The following ADK variants were observed in gnomAD, a reference collection of about 807,000 sequenced individuals.
ADK encodes N6,N6-dimethyladenosine kinase.
In ADK, 24 loss-of-function variants were observed where a neutral mutation model predicts 44.7. The observed-to-expected ratio is 0.54, with a 90% CI of 0.39 to 0.76. ADK has a LOEUF of 0.76. Ranked by LOEUF, ADK falls within the 30% of genes least tolerant of loss-of-function variation. The probability of loss-of-function intolerance (pLI) is 0.00; values close to 1 mark genes in which losing one functional copy is unlikely to be tolerated. For synonymous variants in ADK, 128 were observed against 142.6 expected (o/e 0.90, Z 0.73); for missense variants, 321 against 425.1 (o/e 0.76, Z 2.15).
rs796682816 is a variant in ADK at position 74,302,795 on chromosome 10, C to CA, written c.195-11865dup. On this transcript the variant is annotated intron_variant, in intron 3 of 10. Coordinates refer to ENST00000539909, the MANE Select transcript of ADK (RefSeq NM_006721.4). ...TCCATTACAGAGGGAGAGCCTGTCT[C>CA]AAAAAAAGGAAACGAATTTATATTC... Among the ~76,000 whole-genome samples, 6 of 150,834 alleles carry CA rather than the reference C, an allele frequency of 4.0e-5. No individual in the cohort carries two copies. In the South Asian group the frequency reaches 1.3e-3, roughly 31 times the overall value.
At chr10:74,176,590 T>C (rs1842346250) in intron 1 of ADK, 4 of 1,367,352 alleles carry the variant, frequency 2.9e-6, no homozygotes, top group Non-Finnish European at 3.8e-6. Flanking sequence ...CCGCTAGTCA[T>C]CTCGCTAGCC....
At chr10:74,272,914 T>C (rs911027739) in intron 3 of ADK, among the ~76,000 whole-genome samples, 1 of 152,226 alleles carries the variant, frequency 6.6e-6, no homozygotes, top group Non-Finnish European at 1.5e-5. Flanking sequence ...GTCCTTATAC[T>C]GCAGATCCTC....
chr10:74,526,466 G>A (rs1045073531), intron 7 of ADK, among the ~76,000 whole-genome samples: 8 of 152,138 alleles, frequency 5.3e-5, no homozygotes, highest in East Asian at 1.9e-4. Flanking sequence ...ATGGTTTAAT[G>A]TATACAATGA....
At chr10:74,410,991 T>C (rs1184853305) in intron 6 of ADK, among the ~76,000 whole-genome samples, 1 of 152,210 alleles carries the variant, frequency 6.6e-6, no homozygotes, top group African/African-American at 2.4e-5. Flanking sequence ...CTTTTATCAT[T>C]GTTCCAAGTG....
intron 9 of ADK, among the ~76,000 whole-genome samples, chr10:74,645,518 ATAT>A (rs1294934820): frequency 6.6e-6 from 1 of 152,214 alleles, no homozygotes; most frequent in Non-Finnish European, 1.5e-5. Flanking sequence ...GTTTCTCTAA[ATAT>A]TATACCTGTG....
intron 3 of ADK, 116 bp downstream of exon 3, chr10:74,224,707 A>G (rs1844463586): frequency 1.2e-6 from 1 of 804,272 alleles, no homozygotes. Flanking sequence ...AATTAACACT[A>G]TGACCTTAAT....
chr10:74,407,144 A>G (rs1178426329), intron 6 of ADK, among the ~76,000 whole-genome samples: 1 of 151,640 alleles, frequency 6.6e-6, no homozygotes, highest in African/African-American at 2.4e-5. Flanking sequence ...TTCTCTAGAG[A>G]CAGGTTTTGC....
chr10:74,199,739 G>T (rs968994644), intron 1 of ADK, among the ~76,000 whole-genome samples: 2 of 152,016 alleles, frequency 1.3e-5, no homozygotes, highest in African/African-American at 4.8e-5. Flanking sequence ...GAGCGCAGTG[G>T]CACGATCTCG....
intron 3 of ADK, among the ~76,000 whole-genome samples, chr10:74,294,722 C>T (rs1489147064): frequency 2.0e-5 from 3 of 152,182 alleles, no homozygotes; most frequent in Admixed American, 2.0e-4. Flanking sequence ...ATTGTATTTC[C>T]TTGACCATGA....
At chr10:74,523,611 A>C (rs988492653) in intron 6 of ADK, among the ~76,000 whole-genome samples, 1 of 152,112 alleles carries the variant, frequency 6.6e-6, no homozygotes, top group African/African-American at 2.4e-5. Flanking sequence ...TCTAAGTCCA[A>C]CTTTCTGGTA....
intron 9 of ADK, among the ~76,000 whole-genome samples, chr10:74,629,205 A>C (rs1046868919): frequency 6.6e-6 from 1 of 151,898 alleles, no homozygotes; most frequent in Admixed American, 6.6e-5. Context: ...ATTTTTTTCT[A>C]TTCTTTTAGA....
rs60670688 is a variant in ADK, at chr10:74,205,040, C to CAAAAAA, written c.140+4226_140+4231dup. Among the ~76,000 whole-genome samples the CAAAAAA allele has an allele frequency of 4.8e-4, 25 of 51,644 alleles. 1 individual carries two copies. The highest frequency in any genetic ancestry group is 0.024 in the Middle Eastern group (1 of 42). The allele number at this position is 51,644 out of a possible 152,430, so 33.9% of individuals were successfully genotyped here. Reference sequence around the variant, plus strand: ...GGGTGACAGAGTTGACACTCTGTCTCAAAAAAAAAAAAAAAAAAAAAAAAA... The same window carrying CAAAAAA: ...GGGTGACAGAGTTGACACTCTGTCTCAAAAAAAAAAAAAAAAAAAAAAAAAAAAAAA... On this transcript the variant is annotated intron_variant, in intron 2 of 10. Transcript: ENST00000539909.
intron 3 of ADK, among the ~76,000 whole-genome samples, chr10:74,292,073 A>C (rs1325299405): frequency 6.6e-6 from 1 of 151,970 alleles, no homozygotes; most frequent in African/African-American, 2.4e-5. Context: ...CTTTTTCTCA[A>C]ATGTATTTAT....
At chr10:74,603,470 C>T (rs1852214850) in intron 9 of ADK, among the ~76,000 whole-genome samples, 1 of 152,096 alleles carries the variant, frequency 6.6e-6, no homozygotes, top group South Asian at 2.1e-4. Context: ...CGTGTGTTCT[C>T]ATTGTTCAAT....
At chr10:74,186,873 G>C (rs145928343) in intron 1 of ADK, among the ~76,000 whole-genome samples, 115 of 152,252 alleles carry the variant, frequency 7.6e-4, no homozygotes, top group African/African-American at 2.7e-3. Context: ...GATGGGCTTT[G>C]GGTTATTTCC....
At chr10:74,448,825 T>C (rs1193431435) in intron 6 of ADK, among the ~76,000 whole-genome samples, 3 of 152,138 alleles carry the variant, frequency 2.0e-5, no homozygotes, top group Non-Finnish European at 4.4e-5. Context: ...TACAATAATA[T>C]ATACTGGCTT....
chr10:74,572,070 C>T (rs868731296), intron 7 of ADK, among the ~76,000 whole-genome samples: 2 of 152,000 alleles, frequency 1.3e-5, no homozygotes, highest in Non-Finnish European at 2.9e-5. Flanking sequence ...TTATTTTGCT[C>T]GTTAGTTGAT....
At chr10:74,571,377 T>C (rs1850953621) in intron 7 of ADK, among the ~76,000 whole-genome samples, 1 of 152,214 alleles carries the variant, frequency 6.6e-6, no homozygotes, top group African/African-American at 2.4e-5. Flanking sequence ...CAGCTCCTCC[T>C]TGTACCTCTG....
intron 9 of ADK, among the ~76,000 whole-genome samples, chr10:74,622,247 T>C (rs1416508028): frequency 6.6e-6 from 1 of 152,174 alleles, no homozygotes; most frequent in Non-Finnish European, 1.5e-5. Flanking sequence ...CTTCTCTGCC[T>C]CTTAGTAGTA....
Sources: allele counts gnomAD v4.1 joint callset (sites outside exome capture counted in the v4.1 genomes callset), GRCh38; gene constraint gnomAD v4.1.1; transcripts MANE v1.5; gene names NCBI Gene and HGNC (gene_info 2026-07-23, HGNC 2026-07-21).